ATG4C: variants seen among roughly 807,000 people sequenced by gnomAD.
The protein encoded by ATG4C is cysteine protease ATG4C.
ATG4C carries 56 observed loss-of-function variants against 57.6 expected under a neutral mutation model. The ratio of observed to expected loss-of-function variants is 0.97; its 90% confidence interval spans 0.78 to 1.21. ATG4C has a LOEUF of 1.21. Among genes scored for constraint, ATG4C ranks in the 50% most tolerant of loss-of-function variants. The probability of loss-of-function intolerance (pLI) is 0.00; values close to 1 mark genes in which losing one functional copy is unlikely to be tolerated. For synonymous variants in ATG4C, 157 were observed against 174.1 expected (o/e 0.90, Z 0.78); for missense variants, 595 against 529.8 (o/e 1.12, Z -1.21).
chr1:62,850,848 A>ATGTG (rs1318478422), intron 10 of ATG4C, among the ~76,000 whole-genome samples: 3,651 of 37,526 alleles, frequency 0.097, 357 homozygotes, highest in East Asian at 0.25. Context: ...ATGTGTGTGT[A>ATGTG]TGTATGTATA....
At chr1:62,850,854 G>GTATATATATATA (rs1161449502) in intron 10 of ATG4C, among the ~76,000 whole-genome samples, 18 of 84,142 alleles carry the variant, frequency 2.1e-4, no homozygotes, top group East Asian at 7.1e-4. Flanking sequence ...GTGTATGTAT[G>GTATATATATATA]TATATATATA....
At chr1:62,841,379 A>C in intron 9 of ATG4C, 49 bp from the exon 10 acceptor site, 1 of 1,462,482 alleles carries the variant, frequency 6.8e-7, no homozygotes, top group Non-Finnish European at 9.4e-7. Flanking sequence ...TTTTATATAT[A>C]CTTGTCTATC....
chr1:62,811,788 A>T (rs11582138), intron 3 of ATG4C, among the ~76,000 whole-genome samples: 5 of 152,084 alleles, frequency 3.3e-5, no homozygotes. Context: ...TGCTTCCTTT[A>T]TAGTAATTCC....
chr1:62,794,871 G>C (rs1664408773), intron 1 of ATG4C, among the ~76,000 whole-genome samples: 1 of 152,092 alleles, frequency 6.6e-6, no homozygotes. Flanking sequence ...AAGCAGAGAT[G>C]ATAGCCCATT....
intron 1 of ATG4C, among the ~76,000 whole-genome samples, chr1:62,801,958 CAAAAAAAA>C (rs60298362): frequency 3.3e-4 from 17 of 51,888 alleles, no homozygotes; most frequent in South Asian, 2.3e-3. Flanking sequence ...ACTCTGTCTC[CAAAAAAAA>C]AAAAAAAAAA....
intron 3 of ATG4C, among the ~76,000 whole-genome samples, chr1:62,806,518 A>G (rs1325227946): frequency 6.6e-6 from 1 of 152,080 alleles, no homozygotes. Flanking sequence ...ATAGAATTAT[A>G]TATATATATT....
At chr1:62,850,590 C>T (rs1666474554) in intron 10 of ATG4C, among the ~76,000 whole-genome samples, 1 of 151,934 alleles carries the variant, frequency 6.6e-6, no homozygotes, top group Non-Finnish European at 1.5e-5. Context: ...ACACTAGTCT[C>T]CTTGAAAATG....
chr1:62,789,919 C>CT lies in ATG4C; in HGVS notation c.-69+5659dup, dbSNP rs113736770. ...CCCTTTAAATGGACACACATATACA[C>CT]TTTTTTTTTTTTTGAGACAGTGTCT... On this transcript the variant is annotated intron_variant, in intron 1 of 10. Coordinates refer to ENST00000317868, the MANE Select transcript of ATG4C (RefSeq NM_032852.4). Among the ~76,000 whole-genome samples, 736 of 145,684 alleles carry CT rather than the reference C, an allele frequency of 5.1e-3. 4 individuals carry two copies. Among genetic ancestry groups the CT allele is most frequent in the South Asian group, 0.039 (178 of 4,556 alleles).
In ATG4C at chr1:62,795,465, G is replaced by A. The variant is rs546611467; in HGVS notation, c.-68-8254G>A. Among the ~76,000 whole-genome samples, 8 of 152,244 alleles carry A rather than the reference G, an allele frequency of 5.3e-5. No individual in the cohort carries two copies. In the South Asian group the frequency reaches 8.3e-4, roughly 16 times the overall value. Reference sequence around the variant, plus strand: ...CACTGTGCTTTTTGTATCATTAACCGTAAAGTTAGGAATAAACCTCATCTG... The same window carrying A: ...CACTGTGCTTTTTGTATCATTAACCATAAAGTTAGGAATAAACCTCATCTG... On this transcript the variant is annotated intron_variant, in intron 1 of 10. Transcript: ENST00000317868.
intron 10 of ATG4C, among the ~76,000 whole-genome samples, chr1:62,847,520 T>C (rs1454994400): frequency 6.6e-6 from 1 of 152,218 alleles, no homozygotes; most frequent in Non-Finnish European, 1.5e-5. Context: ...TTTAATAGTA[T>C]ATATTCACTG....
chr1:62,820,017 A>G (rs1372037620), intron 5 of ATG4C, among the ~76,000 whole-genome samples: 1 of 152,032 alleles, frequency 6.6e-6, no homozygotes, highest in Non-Finnish European at 1.5e-5. Flanking sequence ...TGTGATTTAA[A>G]TTTACTCCAT....
chr1:62,816,472 G>T, intron 3 of ATG4C, 103 bp from the exon 4 acceptor site: 1 of 747,542 alleles, frequency 1.3e-6, no homozygotes. Flanking sequence ...AAAAGGATTG[G>T]AAAGATTGTG....
At chr1:62,799,352 T>TA (rs1377409317) in intron 1 of ATG4C, among the ~76,000 whole-genome samples, 1 of 152,234 alleles carries the variant, frequency 6.6e-6, no homozygotes, top group Non-Finnish European at 1.5e-5. Flanking sequence ...AGTTTAACCT[T>TA]ACGAAAATAA....
rs142878910 is a variant in ATG4C, at chr1:62,858,746, A to T, written c.1210-5246A>T. On this transcript the variant is annotated intron_variant, in intron 10 of 10. Transcript: ENST00000317868. The stretch of plus-strand genomic sequence containing the variant: ...ATAGGAACTAATAACAGGCCTTTTT[A>T]TTTGAGGGCTAGAAGAAAGTATTTT... Among the ~76,000 whole-genome samples the T allele has an allele frequency of 5.1e-3, 778 of 152,318 alleles. 8 individuals carry two copies. Among genetic ancestry groups the T allele is most frequent in the African/African-American group, 0.018 (756 of 41,582 alleles).
At chr1:62,855,945 G>GGAA (rs111296241) in intron 10 of ATG4C, among the ~76,000 whole-genome samples, 2 of 152,218 alleles carry the variant, frequency 1.3e-5, no homozygotes, top group African/African-American at 4.8e-5. Context: ...GACTTTTCCT[G>GGAA]GAAGTATTTT....
rs561423403 is a variant in ATG4C, at chr1:62,835,101, C to T, written c.1089+249C>T. 1.7e-4 allele frequency among the ~76,000 whole-genome samples: 25 copies of T among 148,842 alleles called. 1 individual carries two copies. The South Asian group carries it at 4.9e-3, about 29-fold the overall frequency. ...TAACTTGTTAGAAACCCTGGCCATA[C>T]TAAAATAAATGATCAAGTCTCCAAG... On this transcript the variant is annotated intron_variant, in intron 9 of 10. Transcript: ENST00000317868.
At chr1:62,816,855 C>G in intron 4 of ATG4C, 47 bp downstream of exon 4, 1 of 1,378,232 alleles carries the variant, frequency 7.3e-7, no homozygotes, top group Non-Finnish European at 9.7e-7. Context: ...GTTTTTTTGT[C>G]GTCGATATTT....
intron 10 of ATG4C, among the ~76,000 whole-genome samples, chr1:62,855,529 G>A (rs1666655681): frequency 6.6e-6 from 1 of 151,618 alleles, no homozygotes; most frequent in Non-Finnish European, 1.5e-5. Context: ...ATTATGGAAT[G>A]CATATCAGCA....
chr1:62,824,596 T>C (rs1313600741), intron 6 of ATG4C, among the ~76,000 whole-genome samples: 2 of 152,070 alleles, frequency 1.3e-5, no homozygotes, highest in Non-Finnish European at 2.9e-5. Flanking sequence ...TCCTATTTTC[T>C]CTTGAACTGT....
Sources: allele counts gnomAD v4.1 joint callset (sites outside exome capture counted in the v4.1 genomes callset), GRCh38; gene constraint gnomAD v4.1.1; transcripts MANE v1.5; gene names NCBI Gene and HGNC (gene_info 2026-07-23, HGNC 2026-07-21).